C10orf67: variants seen among roughly 807,000 people sequenced by gnomAD.
C10orf67 encodes uncharacterized protein C10orf67, mitochondrial.
In C10orf67, 60 loss-of-function variants were observed where a neutral mutation model predicts 35.6. The observed-to-expected ratio is 1.68, with a 90% CI of 1.37 to 2.09. C10orf67 has a LOEUF of 2.09. Ranked by LOEUF, C10orf67 falls within the 30% of genes most tolerant of loss-of-function variation. C10orf67 has a pLI of 0.00. For synonymous variants in C10orf67, 167 were observed against 115.8 expected (o/e 1.44, Z -2.84); for missense variants, 474 against 330.2 (o/e 1.44, Z -3.38).
intron 5 of C10orf67, among the ~76,000 whole-genome samples, chr10:23,297,449 T>G (rs1323348375): frequency 2.0e-5 from 3 of 152,188 alleles, no homozygotes; most frequent in African/African-American, 4.8e-5. Flanking sequence ...TGTATATATA[T>G]TCACCCTTTT....
intron 5 of C10orf67, among the ~76,000 whole-genome samples, chr10:23,302,150 A>T (rs1254962154): frequency 2.0e-5 from 3 of 152,086 alleles, no homozygotes; most frequent in African/African-American, 7.2e-5. Context: ...AGAGGACCCA[A>T]AGAGGGTAGC....
chr10:23,303,870 C>T (rs1844179318), intron 4 of C10orf67, among the ~76,000 whole-genome samples: 2 of 152,210 alleles, frequency 1.3e-5, no homozygotes, highest in Admixed American at 1.3e-4. Flanking sequence ...GACTGCAAAA[C>T]TCTAGTGGAG....
chr10:23,251,348 C>T (rs1253740108), intron 10 of C10orf67, among the ~76,000 whole-genome samples: 1 of 152,214 alleles, frequency 6.6e-6, no homozygotes, highest in Non-Finnish European at 1.5e-5. Flanking sequence ...GTCTCTCCAT[C>T]TCTTCGTCAT....
At chr10:23,250,058 T>C (rs1316772566) in intron 12 of C10orf67, among the ~76,000 whole-genome samples, 3 of 152,234 alleles carry the variant, frequency 2.0e-5, no homozygotes, top group Non-Finnish European at 1.5e-5. Context: ...ACTGGAGCTG[T>C]TGTGTCTGGT....
intron 15 of C10orf67, among the ~76,000 whole-genome samples, chr10:23,213,056 C>A (rs570264322): frequency 6.6e-6 from 1 of 151,864 alleles, no homozygotes; most frequent in Non-Finnish European, 1.5e-5. Context: ...CAGAGTAAAA[C>A]AAGAACAGTG....
chr10:23,276,377 TG>T (rs1189822083), intron 8 of C10orf67, among the ~76,000 whole-genome samples: 2 of 152,182 alleles, frequency 1.3e-5, no homozygotes, highest in Admixed American at 6.5e-5. Flanking sequence ...AAGTCATTGA[TG>T]CCACCTCCTC....
intron 7 of C10orf67, 52 bp from the exon 8 acceptor site, chr10:23,282,130 A>G (rs1007924195): frequency 2.0e-5 from 9 of 450,820 alleles, no homozygotes; most frequent in African/African-American, 1.6e-4. Context: ...CAGAACACCT[A>G]AAATCCCTCC....
At chr10:23,234,799 G>T (rs1243837359) in intron 13 of C10orf67, among the ~76,000 whole-genome samples, 1 of 151,756 alleles carries the variant, frequency 6.6e-6, no homozygotes, top group African/African-American at 2.4e-5. Flanking sequence ...CAGATCATGA[G>T]GTCAAGAGAT....
intron 2 of C10orf67, among the ~76,000 whole-genome samples, chr10:23,327,178 G>A (rs1845234232): frequency 6.6e-6 from 1 of 151,828 alleles, no homozygotes; most frequent in Non-Finnish European, 1.5e-5. Flanking sequence ...TACAATCATT[G>A]GAGAGTAGGG....
chr10:23,295,408 C>G (rs1408429430), intron 5 of C10orf67, among the ~76,000 whole-genome samples: 1 of 152,152 alleles, frequency 6.6e-6, no homozygotes, highest in Non-Finnish European at 1.5e-5. Flanking sequence ...AGCTGTCTTA[C>G]CCAATTGGGG....
chr10:23,294,485 G>A (rs1048785247), intron 5 of C10orf67, among the ~76,000 whole-genome samples: 4 of 152,044 alleles, frequency 2.6e-5, no homozygotes, highest in African/African-American at 9.7e-5. Context: ...CGGACAGCAT[G>A]GAAACCTGAT....
intron 1 of C10orf67, among the ~76,000 whole-genome samples, chr10:23,335,015 C>T (rs1845620782): frequency 6.6e-6 from 1 of 152,020 alleles, no homozygotes; most frequent in Admixed American, 6.5e-5. Flanking sequence ...ATGGCAAAAC[C>T]CCGTCTCGAC....
intron 15 of C10orf67, among the ~76,000 whole-genome samples, chr10:23,212,945 A>G (rs1214906380): frequency 1.3e-5 from 2 of 152,214 alleles, no homozygotes; most frequent in East Asian, 3.8e-4. Context: ...ATGAAACAGT[A>G]TGACAAAGAT....
chr10:23,285,136 C>T lies in C10orf67; in HGVS notation c.910-3058G>A, dbSNP rs184209900. Among the ~76,000 whole-genome samples, 200 of 152,160 alleles carry T rather than the reference C, an allele frequency of 1.3e-3. 3 individuals carry two copies. Among genetic ancestry groups the T allele is most frequent in the Admixed American group, 7.9e-3 (121 of 15,278 alleles). ...ATTATCTCATTCAGTCCACACAGTACGCCTGGGAGAAACAGGAAGGAGGAG... is the reference window on the plus strand; with the variant it reads ...ATTATCTCATTCAGTCCACACAGTATGCCTGGGAGAAACAGGAAGGAGGAG... On this transcript the variant is annotated intron_variant, in intron 7 of 15. Transcript: ENST00000636213.
At chr10:23,221,862 T>G (rs971652357) in intron 15 of C10orf67, among the ~76,000 whole-genome samples, 2 of 152,188 alleles carry the variant, frequency 1.3e-5, no homozygotes, top group Admixed American at 1.3e-4. Context: ...AATAAGAAAT[T>G]TTTGTTAACT....
chr10:23,226,392 G>A (rs912736432), intron 13 of C10orf67, among the ~76,000 whole-genome samples: 12 of 152,108 alleles, frequency 7.9e-5, no homozygotes, highest in East Asian at 1.9e-4. Context: ...TGAAACCAAC[G>A]AGAACAAGGA....
At chr10:23,241,368 G>A (rs1229459377) in intron 12 of C10orf67, among the ~76,000 whole-genome samples, 1 of 152,180 alleles carries the variant, frequency 6.6e-6, no homozygotes, top group Non-Finnish European at 1.5e-5. Flanking sequence ...GACTTCTGAA[G>A]CTGATAACAC....
Position 23,223,829 on chromosome 10 carries a change from CA to C in C10orf67, c.1435-12del. 1 of 714,936 alleles carries C rather than the reference CA, an allele frequency of 1.4e-6. No individual in the cohort carries two copies. Among genetic ancestry groups the C allele is most frequent in the South Asian group, 1.5e-5 (1 of 67,484 alleles). The allele number at this position is 714,936 out of a possible 1,614,324, so 44.3% of individuals were successfully genotyped here. On this transcript the variant is annotated splice_polypyrimidine_tract_variant and intron_variant, in intron 13 of 15. Transcript: ENST00000636213. ...TAAGGGTTTTACTTTCTGAAAGACA[CA>C]AAAGATATGTACTGTGTTATCAGGA... is the stretch of plus-strand genomic sequence containing the variant.
At chr10:23,305,133 T>C (rs2132290781) in intron 4 of C10orf67, among the ~76,000 whole-genome samples, 1 of 152,282 alleles carries the variant, frequency 6.6e-6, no homozygotes, top group South Asian at 2.1e-4. Context: ...TAAGGCTATA[T>C]AGTTAGTGAA....
Sources: allele counts gnomAD v4.1 joint callset (sites outside exome capture counted in the v4.1 genomes callset), GRCh38; gene constraint gnomAD v4.1.1; transcripts MANE v1.5; gene names NCBI Gene and HGNC (gene_info 2026-07-23, HGNC 2026-07-21).